NKTR: variants seen among roughly 807,000 people sequenced by gnomAD.
NKTR encodes the protein natural killer cell triggering receptor, also known as NK-tumor recognition protein.
In NKTR, 67 loss-of-function variants were observed where a neutral mutation model predicts 156.3. The observed-to-expected ratio is 0.43, with a 90% CI of 0.35 to 0.53. NKTR has a LOEUF of 0.53. Ranked by LOEUF, NKTR falls within the 20% of genes least tolerant of loss-of-function variation. NKTR has a pLI of 0.01. For missense variants in NKTR, 1,604 were observed against 1,730.9 expected (o/e 0.93, Z 1.30); for synonymous variants, 640 against 596.6 (o/e 1.07, Z -1.06).
At position 42,644,002 on chromosome 3, in the gene NKTR, A is replaced by G; in HGVS notation, c.4300A>G (p.Arg1434Gly). 6.2e-7 allele frequency: 1 copy of G among 1,611,870 alleles called. No homozygotes were observed. Among genetic ancestry groups the G allele is most frequent in the Non-Finnish European group, 8.5e-7 (1 of 1,178,354 alleles). Residue 1434 changes from arginine to glycine, a missense_variant and splice_region_variant, in exon 16 of 17, where the codon AGG becomes GGG. Coordinates refer to ENST00000232978, the MANE Select transcript of NKTR (RefSeq NM_005385.4). ...HRGRSYNRRS[R>G]SCRSYGSDSE... ...AGGCAGAAGTTATAATCGGCGGTCC[A>G]GGTGGGTCTCTCTCCTTTATCGTCC...
intron 5 of NKTR, 136 bp from the exon 6 acceptor site, chr3:42,621,293 T>C: frequency 1.5e-6 from 2 of 1,344,246 alleles, no homozygotes; most frequent in South Asian, 2.0e-5. Flanking sequence ...TAAATTTTTC[T>C]TTTCTGAGTG....
At position 42,635,561 on chromosome 3, in the gene NKTR, G is replaced by A. The variant is rs149929762; in HGVS notation, c.1163+195G>A. On this transcript the variant is annotated intron_variant, in intron 12 of 16. Transcript: ENST00000232978. ...AGTTGGGCTTTTAAATCAAAATCCTGTTTTCCTTAACAAAAACTATAAGCC... is the reference window on the plus strand; with the variant it reads ...AGTTGGGCTTTTAAATCAAAATCCTATTTTCCTTAACAAAAACTATAAGCC... 90 of 428,422 alleles carry A rather than the reference G, an allele frequency of 2.1e-4. 1 individual carries two copies. The highest frequency in any genetic ancestry group is 1.7e-3 in the African/African-American group (85 of 48,674). 26.5% of individuals were successfully genotyped at this position (428,422 alleles called of 1,614,324 possible).
intron 6 of NKTR, among the ~76,000 whole-genome samples, chr3:42,623,995 A>G (rs753352676): frequency 3.9e-5 from 6 of 152,046 alleles, no homozygotes; most frequent in Non-Finnish European, 7.4e-5. Flanking sequence ...TAGTATGGGT[A>G]TTTGCAAGAC....
At chr3:42,605,830 G>A (rs558112944) in intron 2 of NKTR, among the ~76,000 whole-genome samples, 114 of 152,118 alleles carry the variant, frequency 7.5e-4, no homozygotes, top group Non-Finnish European at 1.3e-3. Flanking sequence ...CTAATAATAG[G>A]ACTCCAGTGT....
At chr3:42,633,459 T>C (rs2125809836) in intron 9 of NKTR, 121 bp from the exon 10 acceptor site, 9 of 1,443,016 alleles carry the variant, frequency 6.2e-6, no homozygotes, top group Non-Finnish European at 6.4e-6. Flanking sequence ...CATATAACTC[T>C]TTTGAGTGAG....
At chr3:42,633,854 G>C in intron 10 of NKTR, 119 bp downstream of exon 10, 1 of 1,072,136 alleles carries the variant, frequency 9.3e-7, no homozygotes, top group Non-Finnish European at 1.4e-6. Flanking sequence ...TTGAAAGATA[G>C]TATGGGAGTA....
chr3:42,632,567 T>C, intron 8 of NKTR, 34 bp from the exon 9 acceptor site: 1 of 1,348,468 alleles, frequency 7.4e-7, no homozygotes, highest in Non-Finnish European at 1.0e-6. Flanking sequence ...GCACTGAATT[T>C]AGTACTAATG....
chr3:42,615,862 AG>A (rs894592584), intron 2 of NKTR, among the ~76,000 whole-genome samples: 1 of 152,122 alleles, frequency 6.6e-6, no homozygotes, highest in African/African-American at 2.4e-5. Context: ...CTGATATTAT[AG>A]GGTTTTTTTT....
At chr3:42,616,581 A>G (rs879826163) in intron 2 of NKTR, among the ~76,000 whole-genome samples, 3 of 152,240 alleles carry the variant, frequency 2.0e-5, no homozygotes, top group South Asian at 2.1e-4. Context: ...GATATGAACT[A>G]CATAAACAAA....
At chr3:42,631,346 T>C in intron 8 of NKTR, 30 bp downstream of exon 8, 1 of 1,609,046 alleles carries the variant, frequency 6.2e-7, no homozygotes, top group East Asian at 2.2e-5. Context: ...TAGATGAAGC[T>C]AAGATGCAGG....
At chr3:42,622,610 A>G (rs550853944) in intron 6 of NKTR, among the ~76,000 whole-genome samples, 4 of 152,138 alleles carry the variant, frequency 2.6e-5, no homozygotes, top group Admixed American at 2.6e-4. Flanking sequence ...GAAAGCTGAT[A>G]AAAGATTATG....
At chr3:42,600,887 C>A (rs1269918481) in intron 1 of NKTR, 97 bp from the exon 2 acceptor site, 2 of 705,598 alleles carry the variant, frequency 2.8e-6, no homozygotes, top group African/African-American at 1.9e-5. Flanking sequence ...CGGCGTGAGG[C>A]ACCGTGGCGC....
intron 6 of NKTR, chr3:42,630,235 A>C: frequency 8.9e-7 from 1 of 1,128,678 alleles, no homozygotes. Context: ...GTTGAGAGTA[A>C]CTTTAATTTT....
At chr3:42,639,997 C>G (rs1316730770) in intron 13 of NKTR, among the ~76,000 whole-genome samples, 1 of 152,164 alleles carries the variant, frequency 6.6e-6, no homozygotes, top group African/African-American at 2.4e-5. Flanking sequence ...GAAATGAGTT[C>G]CCATGATAGG....
chr3:42,605,323 C>T (rs918427666), intron 2 of NKTR, among the ~76,000 whole-genome samples: 2 of 152,156 alleles, frequency 1.3e-5, no homozygotes, highest in Non-Finnish European at 2.9e-5. Context: ...GTATGTTTAA[C>T]TGTATACATT....
In NKTR at chr3:42,619,697, G is replaced by C; in HGVS notation, c.275G>C (p.Gly92Ala). The change falls in exon 5 of 17, where the codon GGA (glycine) becomes GCA (alanine). Residue 92 changes from glycine to alanine, a missense_variant. By Grantham distance (60) the Gly-to-Ala change is moderately conservative (BLOSUM62 0). Coordinates refer to ENST00000232978, the MANE Select transcript of NKTR (RefSeq NM_005385.4). ...NGKGGESIYGGYFKDENFILK... is the reference protein window; with the variant it reads ...NGKGGESIYGAYFKDENFILK... ...AAAGGTGGAGAATCAATTTATGGTGGATATTTTAAAGGTAAGGCTTAATAT... is the reference window on the plus strand; with the variant it reads ...AAAGGTGGAGAATCAATTTATGGTGCATATTTTAAAGGTAAGGCTTAATAT... 1 of 1,610,238 alleles carries C rather than the reference G, an allele frequency of 6.2e-7. No homozygotes were observed. Among genetic ancestry groups the C allele is most frequent in the Non-Finnish European group, 8.5e-7 (1 of 1,177,456 alleles).
In NKTR at chr3:42,637,278, C is replaced by A; in HGVS notation, c.1574C>A (p.Ser525Ter). Residue 525 changes from serine (S) to a stop codon, truncating the protein, a stop_gained, in exon 13 of 17, where the codon TCA (serine) becomes TAA (stop). Transcript: ENST00000232978. LOFTEE classifies it high-confidence loss of function. ...GACTCATACAGATCAAAATCTCACT[C>A]ACAGTCTTATTCTAGAGGAAGCTCA... ...SRDSYRSKSH[S>*]QSYSRGSSRS... 6.2e-7 allele frequency: 1 copy of A among 1,613,860 alleles called. No homozygotes were observed. Among genetic ancestry groups the A allele is most frequent in the Non-Finnish European group, 8.5e-7 (1 of 1,179,950 alleles).
At position 42,646,192 on chromosome 3, in the gene NKTR, C is replaced by T; in HGVS notation, c.*217C>T. On this transcript the variant is annotated 3_prime_UTR_variant, in exon 17 of 17. Transcript: ENST00000232978. ...TTATGCCACATTTTACAGTAGCCAA[C>T]TATGGAAATGAATTTCATTTTCTTG... 1 of 389,044 alleles carries T rather than the reference C, an allele frequency of 2.6e-6. No homozygotes were observed. Among genetic ancestry groups the T allele is most frequent in the South Asian group, 5.6e-5 (1 of 17,738 alleles). 24.1% of individuals were successfully genotyped at this position (389,044 alleles called of 1,614,324 possible). A position where few individuals can be genotyped will look rare whatever the true frequency, so the allele number is the denominator to read the frequency against.
intron 2 of NKTR, 126 bp from the exon 3 acceptor site, chr3:42,617,444 T>A (rs574566335): frequency 1.7e-6 from 1 of 574,154 alleles, no homozygotes; most frequent in Admixed American, 3.1e-5. Flanking sequence ...TCCCATTACA[T>A]CTTTTAAAAA....
Sources: gnomAD v4.1 joint callset for allele counts (sites outside exome capture counted in the v4.1 genomes callset) on GRCh38, gnomAD v4.1.1 for gene constraint, MANE v1.5 for transcripts, NCBI Gene and HGNC (gene_info 2026-07-23, HGNC 2026-07-21) for gene names.